Variants in SPATS2L observed in about 807,000 individuals in gnomAD.
The protein encoded by SPATS2L is spermatogenesis associated serine rich 2 like.
Under a neutral mutation model 59.6 loss-of-function variants are expected in SPATS2L, and 30 were observed. The ratio of observed to expected loss-of-function variants is 0.50; its 90% confidence interval spans 0.38 to 0.68. SPATS2L has a LOEUF of 0.68. SPATS2L is among the 30% of genes least tolerant of loss of function. The pLI is 0.00. For missense variants in SPATS2L, 615 were observed against 700.0 expected (o/e 0.88, Z 1.37); for synonymous variants, 252 against 263.5 (o/e 0.96, Z 0.42).
chr2:200,404,585 A>G (rs1331079566), intron 3 of SPATS2L, among the ~76,000 whole-genome samples: 1 of 152,168 alleles, frequency 6.6e-6, no homozygotes, highest in Admixed American at 6.5e-5. Context: ...ACATCTCCTT[A>G]TAAGGAGGGA....
chr2:200,475,105 G>A (rs767578958), intron 12 of SPATS2L, among the ~76,000 whole-genome samples: 8 of 152,198 alleles, frequency 5.3e-5, no homozygotes, highest in Admixed American at 5.2e-4. Context: ...TGGAAGGGTG[G>A]GAGTGGAGGC....
intron 2 of SPATS2L, among the ~76,000 whole-genome samples, chr2:200,372,628 A>T (rs1474310161): frequency 2.0e-5 from 3 of 152,124 alleles, no homozygotes; most frequent in African/African-American, 7.2e-5. Flanking sequence ...ACTGGAATGA[A>T]CCCTCTAAAT....
chr2:200,413,746 G>A (rs1001269694), intron 4 of SPATS2L, among the ~76,000 whole-genome samples: 1 of 152,186 alleles, frequency 6.6e-6, no homozygotes, highest in Non-Finnish European at 1.5e-5. Context: ...TAAGCAATAT[G>A]CTCACATTCT....
intron 1 of SPATS2L, among the ~76,000 whole-genome samples, chr2:200,328,774 A>C (rs2105789675): frequency 6.6e-6 from 1 of 152,352 alleles, no homozygotes; most frequent in East Asian, 1.9e-4. Context: ...TGGTTGACTT[A>C]CGACCTTGGC....
At chr2:200,343,773 G>A (rs2080412983) in intron 2 of SPATS2L, among the ~76,000 whole-genome samples, 1 of 152,118 alleles carries the variant, frequency 6.6e-6, no homozygotes. Context: ...TGCTGTTGTA[G>A]ATAAGTATTG....
rs185567237 is a variant in SPATS2L, at chr2:200,324,124, G to A, written c.-72-5307G>A. ...TGGGCGGCTATGTTCTGACCTCCTT[G>A]GCTTTTATGGCCTCCCATACAGTCA... On this transcript the variant is annotated intron_variant, in intron 1 of 12. Coordinates refer to ENST00000409140, the MANE Select transcript of SPATS2L (RefSeq NM_001100423.2). Among the ~76,000 whole-genome samples, 6 of 152,268 alleles carry A rather than the reference G, an allele frequency of 3.9e-5. No individual in the cohort carries two copies. In the East Asian group the frequency reaches 1.2e-3, roughly 29 times the overall value.
At chr2:200,401,411 C>CAG (rs1045809379) in intron 3 of SPATS2L, among the ~76,000 whole-genome samples, 2 of 152,146 alleles carry the variant, frequency 1.3e-5, no homozygotes, top group Non-Finnish European at 2.9e-5. Flanking sequence ...TACCCTCTTA[C>CAG]AGAGAGAGAG....
chr2:200,375,482 T>TA (rs1399042391), intron 2 of SPATS2L, among the ~76,000 whole-genome samples: 10 of 152,134 alleles, frequency 6.6e-5, no homozygotes, highest in Non-Finnish European at 1.5e-4. Flanking sequence ...ATAAGGATGA[T>TA]ATAGAAGGTT....
chr2:200,333,659 C>A (rs946341082), intron 2 of SPATS2L, among the ~76,000 whole-genome samples: 1 of 152,080 alleles, frequency 6.6e-6, no homozygotes, highest in Non-Finnish European at 1.5e-5. Flanking sequence ...CCGCTCCCCC[C>A]ACCCCATGAT....
At chr2:200,353,293 T>C (rs1257881203) in intron 2 of SPATS2L, among the ~76,000 whole-genome samples, 1 of 152,214 alleles carries the variant, frequency 6.6e-6, no homozygotes, top group African/African-American at 2.4e-5. Context: ...CGTTGAAATT[T>C]GGGATCTTGA....
chr2:200,465,708 T>C (rs2086546789), intron 9 of SPATS2L, among the ~76,000 whole-genome samples: 1 of 152,216 alleles, frequency 6.6e-6, no homozygotes, highest in Non-Finnish European at 1.5e-5. Flanking sequence ...AATTATTTTA[T>C]TAACATCTCA....
At chr2:200,386,609 A>T (rs931933249) in intron 2 of SPATS2L, among the ~76,000 whole-genome samples, 2 of 152,220 alleles carry the variant, frequency 1.3e-5, no homozygotes, top group Admixed American at 6.5e-5. Context: ...TGCACATCCA[A>T]ATCCTAGACA....
intron 3 of SPATS2L, among the ~76,000 whole-genome samples, chr2:200,398,362 A>G (rs891103090): frequency 6.6e-6 from 1 of 152,226 alleles, no homozygotes; most frequent in African/African-American, 2.4e-5. Context: ...TGTTTATTGA[A>G]AAGAATAAAT....
chr2:200,369,182 A>G (rs1344388797), intron 2 of SPATS2L, among the ~76,000 whole-genome samples: 1 of 152,038 alleles, frequency 6.6e-6, no homozygotes, highest in Non-Finnish European at 1.5e-5. Flanking sequence ...TTTTTGAGAC[A>G]GAGACTCGCT....
upstream of SPATS2L, chr2:200,306,418 A>C: frequency 1.0e-6 from 1 of 1,002,304 alleles, no homozygotes; most frequent in Non-Finnish European, 1.2e-6. Flanking sequence ...AAGCAAGCAA[A>C]GTGCGGAAGC....
intron 2 of SPATS2L, among the ~76,000 whole-genome samples, chr2:200,358,953 C>T (rs1297744559): frequency 6.6e-6 from 1 of 151,526 alleles, no homozygotes; most frequent in Non-Finnish European, 1.5e-5. Flanking sequence ...TACCACTGCA[C>T]TCCAGCCTGG....
At chr2:200,327,231 C>A (rs987336251) in intron 1 of SPATS2L, among the ~76,000 whole-genome samples, 4 of 151,796 alleles carry the variant, frequency 2.6e-5, no homozygotes, top group Non-Finnish European at 5.9e-5. Flanking sequence ...TGGTGAAACC[C>A]CATCTCTATT....
intron 2 of SPATS2L, among the ~76,000 whole-genome samples, chr2:200,338,746 C>A (rs567142181): frequency 3.5e-4 from 53 of 152,288 alleles, no homozygotes; most frequent in Non-Finnish European, 6.0e-4. Context: ...TTGGTTAACA[C>A]CAGTGCCAAG....
chr2:200,307,038 G>C (rs2079040749), intron 1 of SPATS2L, 116 bp downstream of exon 1: 1 of 883,090 alleles, frequency 1.1e-6, no homozygotes, highest in South Asian at 5.2e-5. Context: ...TCCGCAGCCC[G>C]GGCCGCCCAG....
Sources: allele counts gnomAD v4.1 joint callset (sites outside exome capture counted in the v4.1 genomes callset), GRCh38; gene constraint gnomAD v4.1.1; transcripts MANE v1.5; gene names NCBI Gene and HGNC (gene_info 2026-07-23, HGNC 2026-07-21).